FANCB: variants seen among roughly 807,000 people sequenced by gnomAD.
FANCB encodes Fanconi anemia group B protein.
Under a neutral mutation model 38.9 loss-of-function variants are expected in FANCB, and 5 were observed. The observed-to-expected ratio is 0.13, with a 90% confidence interval of 0.07 to 0.27. The LOEUF is 0.27. Ranked by LOEUF, FANCB falls within the 10% of genes least tolerant of loss-of-function variation. The pLI is 1.00. For synonymous variants in FANCB, 236 were observed against 215.4 expected (o/e 1.10, Z -0.84); for missense variants, 573 against 602.7 (o/e 0.95, Z 0.52).
At chrX:14,691,271 C>CAG in the FANCB span, among the ~76,000 whole-genome samples, 45 of 85,242 alleles carry the variant, frequency 5.3e-4, no homozygotes, top group African/African-American at 1.9e-3. Flanking sequence ...TAAATATTGA[C>CAG]TGTGTGTGTG....
chrX:14,809,344 A>G, the FANCB span, among the ~76,000 whole-genome samples: 1 of 112,386 alleles, frequency 8.9e-6, no homozygotes, highest in Admixed American at 9.3e-5. Flanking sequence ...CAGTGGGTGC[A>G]GCGCACTGTG....
intron 3 of FANCB, among the ~76,000 whole-genome samples, chrX:14,861,023 C>T (rs1384643962): frequency 9.0e-6 from 1 of 111,256 alleles, no homozygotes; most frequent in African/African-American, 3.3e-5. Flanking sequence ...GCTGGGACTA[C>T]AGGCATATGC....
At chrX:14,737,079 C>T in the FANCB span, among the ~76,000 whole-genome samples, 3 of 111,364 alleles carry the variant, frequency 2.7e-5, no homozygotes, top group Non-Finnish European at 5.7e-5. Flanking sequence ...ATTGCTTGAA[C>T]CCAGGAGGTG....
the FANCB span, among the ~76,000 whole-genome samples, chrX:14,796,631 T>C: frequency 2.3e-5 from 2 of 87,850 alleles, no homozygotes; most frequent in African/African-American, 8.4e-5. Flanking sequence ...ATTATATATA[T>C]TGCTGGAAAG....
the FANCB span, among the ~76,000 whole-genome samples, chrX:14,792,803 C>T: frequency 9.0e-6 from 1 of 110,878 alleles, no homozygotes; most frequent in African/African-American, 3.3e-5. Flanking sequence ...AGAAGGCAAC[C>T]GAGGGCATTA....
chrX:14,739,492 A>G, the FANCB span, among the ~76,000 whole-genome samples: 1 of 112,451 alleles, frequency 8.9e-6, no homozygotes, highest in African/African-American at 3.2e-5. Context: ...GTAAAAGGTC[A>G]TGGTACCACT....
At chrX:14,809,971 C>A in the FANCB span, among the ~76,000 whole-genome samples, 1 of 111,920 alleles carries the variant, frequency 8.9e-6, no homozygotes, top group South Asian at 3.7e-4. Flanking sequence ...GCCGGGTACC[C>A]CTCTGAGACA....
the FANCB span, among the ~76,000 whole-genome samples, chrX:14,784,581 T>C: frequency 4.3e-3 from 486 of 112,441 alleles, 6 homozygotes; most frequent in African/African-American, 0.014. Context: ...GTAAATTAGT[T>C]CAACCATTGT....
chrX:14,730,295 A>G, the FANCB span: 3 of 1,208,798 alleles, frequency 2.5e-6, no homozygotes, highest in East Asian at 5.9e-5. Flanking sequence ...ACAGCTGTCA[A>G]GGCCACACCT....
chrX:14,768,875 T>A, the FANCB span, among the ~76,000 whole-genome samples: 3 of 111,975 alleles, frequency 2.7e-5, no homozygotes, highest in South Asian at 1.1e-3. Context: ...TGAAGGGATG[T>A]TGAATTTTAT....
chrX:14,721,289 G>A, the FANCB span, among the ~76,000 whole-genome samples: 2 of 107,194 alleles, frequency 1.9e-5, no homozygotes, highest in African/African-American at 6.9e-5. Flanking sequence ...TAATAATAAT[G>A]TACATTTCAA....
At chrX:14,803,945 C>T in the FANCB span, among the ~76,000 whole-genome samples, 5 of 111,655 alleles carry the variant, frequency 4.5e-5, no homozygotes, top group East Asian at 1.4e-3. Context: ...TACCATCTCA[C>T]ACCAGTTAGA....
the FANCB span, among the ~76,000 whole-genome samples, chrX:14,724,361 C>T: frequency 9.1e-6 from 1 of 110,352 alleles, no homozygotes; most frequent in Non-Finnish European, 1.9e-5. Flanking sequence ...CATGGTGGCT[C>T]ACACCTGTAA....
the FANCB span, among the ~76,000 whole-genome samples, chrX:14,750,718 G>T: frequency 9.8e-4 from 108 of 110,736 alleles, 2 homozygotes; most frequent in East Asian, 0.025. Context: ...CTTGCCTCTT[G>T]CCAGCATTTC....
At chrX:14,736,046 C>T in the FANCB span, among the ~76,000 whole-genome samples, 31 of 111,225 alleles carry the variant, frequency 2.8e-4, no homozygotes, top group Non-Finnish European at 5.5e-4. Flanking sequence ...AGGGGAAAAC[C>T]GCCTACTCAA....
chrX:14,812,641 A>C, the FANCB span, among the ~76,000 whole-genome samples: 1 of 108,343 alleles, frequency 9.2e-6, no homozygotes, highest in Non-Finnish European at 1.9e-5. Flanking sequence ...TGAATAGACC[A>C]ATAACAGGCT....
chrX:14,777,877 T>A, the FANCB span, among the ~76,000 whole-genome samples: 20 of 111,877 alleles, frequency 1.8e-4, no homozygotes, highest in Non-Finnish European at 3.6e-4. Flanking sequence ...CAGTATGAAT[T>A]CAAATCATGG....
chrX:14,859,432 A>G (rs1388605431), intron 3 of FANCB, 98 bp from the exon 4 acceptor site: 1 of 599,793 alleles, frequency 1.7e-6, no homozygotes, highest in Non-Finnish European at 2.7e-6. Flanking sequence ...TGTCATTTGT[A>G]AAACTCAATC....
At chrX:14,690,667 C>G in the FANCB span, 3 of 920,497 alleles carry the variant, frequency 3.3e-6, no homozygotes, top group Non-Finnish European at 4.7e-6. Flanking sequence ...CTTTCTCTCT[C>G]TCTCTCTCTC....
Sources: gnomAD v4.1 joint callset for allele counts (sites outside exome capture counted in the v4.1 genomes callset) on GRCh38, gnomAD v4.1.1 for gene constraint, MANE v1.5 for transcripts, NCBI Gene and HGNC (gene_info 2026-07-23, HGNC 2026-07-21) for gene names.